ZSCAN5A: variants seen among roughly 807,000 people sequenced by gnomAD.
ZSCAN5A encodes the protein zinc finger and SCAN domain containing 5A, also known as zinc finger and SCAN domain-containing protein 5A.
Under a neutral mutation model 23.7 loss-of-function variants are expected in ZSCAN5A, and 12 were observed. That is an observed-to-expected ratio of 0.51 (90% CI 0.32 to 0.82). The LOEUF (loss-of-function observed/expected upper bound fraction) is 0.82. ZSCAN5A is among the 40% of genes least tolerant of loss of function. The probability of loss-of-function intolerance (pLI) is 0.03; values close to 1 mark genes in which losing one functional copy is unlikely to be tolerated. For synonymous variants in ZSCAN5A, 257 were observed against 239.9 expected, an observed-to-expected ratio of 1.07 and a Z score of -0.66; for missense variants, 597 against 617.9, an observed-to-expected ratio of 0.97 and a Z score of 0.36.
intron 2 of ZSCAN5A, among the ~76,000 whole-genome samples, chr19:56,353,736 C>G (rs147413830): frequency 1.1e-4 from 17 of 151,864 alleles, no homozygotes; most frequent in African/African-American, 4.1e-4. Flanking sequence ...GAACCGAGAT[C>G]GTGCCACTGC....
intron 2 of ZSCAN5A, chr19:56,228,443 A>C (rs2034176047): frequency 1.0e-6 from 1 of 985,282 alleles, no homozygotes; most frequent in African/African-American, 1.7e-5. Flanking sequence ...GTTCCCACTG[A>C]AACCCCACCC....
chr19:56,241,720 A>G (rs907838835), intron 2 of ZSCAN5A, among the ~76,000 whole-genome samples: 1 of 152,110 alleles, frequency 6.6e-6, no homozygotes, highest in Non-Finnish European at 1.5e-5. Context: ...CCTTAGACCT[A>G]TATCTCCCCA....
chr19:56,240,384 T>C (rs1158894381), intron 2 of ZSCAN5A, among the ~76,000 whole-genome samples: 3 of 152,152 alleles, frequency 2.0e-5, no homozygotes, highest in African/African-American at 7.2e-5. Flanking sequence ...TAAAATGGAT[T>C]ACGTGGCCCT....
chr19:56,285,771 G>A (rs951445939), intron 2 of ZSCAN5A, among the ~76,000 whole-genome samples: 8 of 151,790 alleles, frequency 5.3e-5, no homozygotes, highest in African/African-American at 1.5e-4. Flanking sequence ...GAGCCATCAC[G>A]CCCAGCCCAG....
Position 56,332,775 on chromosome 19 carries a change from A to AT in ZSCAN5A, c.-357-16508dup, listed in dbSNP as rs2041501177. The stretch of plus-strand genomic sequence containing the variant: ...ATCTGAGGACCATATACTTAAGTGT[A>AT]TTTTTATGGTAGCAGGTATTGTTCC... On this transcript the variant is annotated intron_variant, in intron 2 of 6. Coordinates refer to the ZSCAN5A transcript ENST00000587340. Among the ~76,000 whole-genome samples, 9 of 152,278 alleles carry AT rather than the reference A, an allele frequency of 5.9e-5. No individual in the cohort carries two copies. The South Asian group carries it at 1.9e-3, about 32-fold the overall frequency.
At chr19:56,264,558 G>A (rs1482012922) in intron 2 of ZSCAN5A, among the ~76,000 whole-genome samples, 1 of 152,196 alleles carries the variant, frequency 6.6e-6, no homozygotes, top group East Asian at 1.9e-4. Flanking sequence ...GAAGTGTTGG[G>A]AGACTGGACT....
At chr19:56,276,909 AAAT>A (rs1352545153) in intron 2 of ZSCAN5A, among the ~76,000 whole-genome samples, 2 of 151,972 alleles carry the variant, frequency 1.3e-5, no homozygotes, top group African/African-American at 4.8e-5. Flanking sequence ...TTATATTTAC[AAAT>A]ATTATAAATA....
rs59525392 is a variant in ZSCAN5A at position 56,231,996 on chromosome 19, C to CTTTTTTTTTTTTTTTTTTTTTTT, written c.-127-6824_-127-6823insAAAAAAAAAAAAAAAAAAAAAAA. ...TCTTTTTTCTTTCTTTTTTTCTTTT[C>CTTTTTTTTTTTTTTTTTTTTTTT]TTTTTTTTTGAGACAGTGTCTTGCT... On this transcript the variant is annotated intron_variant, in intron 2 of 5. Coordinates refer to ENST00000683990, the MANE Select transcript of ZSCAN5A (RefSeq NM_001322064.3). Among the ~76,000 whole-genome samples, 19 of 124,968 alleles carry CTTTTTTTTTTTTTTTTTTTTTTT rather than the reference C, an allele frequency of 1.5e-4. 1 individual carries two copies. The highest frequency in any genetic ancestry group is 2.5e-4 in the South Asian group (1 of 4,002). The allele number at this position is 124,968 out of a possible 152,430, so 82.0% of individuals were successfully genotyped here. A position where few individuals can be genotyped will look rare whatever the true frequency, so the allele number is the denominator to read the frequency against.
chr19:56,302,651 C>G (rs867207508), intron 2 of ZSCAN5A, among the ~76,000 whole-genome samples: 1 of 113,950 alleles, frequency 8.8e-6, no homozygotes, highest in Admixed American at 8.9e-5. Context: ...CTTTTCTTCC[C>G]CCCCTCCCTG....
intron 2 of ZSCAN5A, among the ~76,000 whole-genome samples, chr19:56,271,597 G>A (rs765551598): frequency 1.3e-5 from 2 of 152,182 alleles, no homozygotes; most frequent in Non-Finnish European, 2.9e-5. Flanking sequence ...CTGAAGGATC[G>A]CTGAGGTATC....
intron 2 of ZSCAN5A, among the ~76,000 whole-genome samples, chr19:56,231,335 G>T (rs1328131324): frequency 1.3e-5 from 2 of 152,148 alleles, no homozygotes; most frequent in Middle Eastern, 3.2e-3. Context: ...ACATTATGTT[G>T]TACACCAAAA....
intron 2 of ZSCAN5A, among the ~76,000 whole-genome samples, chr19:56,243,595 G>A (rs574895967): frequency 6.6e-6 from 1 of 151,966 alleles, no homozygotes; most frequent in East Asian, 1.9e-4. Flanking sequence ...ACATAAATAA[G>A]TTATTGTTGC....
chr19:56,368,182 C>T (rs1045544116), intron 1 of ZSCAN5A: 3 of 152,400 alleles, frequency 2.0e-5, no homozygotes, highest in African/African-American at 7.2e-5. Context: ...CGTCGAGGCC[C>T]TACGGGGCGT....
chr19:56,257,355 T>C (rs1568657217), intron 2 of ZSCAN5A, among the ~76,000 whole-genome samples: 2 of 152,248 alleles, frequency 1.3e-5, no homozygotes, highest in East Asian at 1.9e-4. Flanking sequence ...CAAGGGCTGA[T>C]CTCCACGTTC....
At chr19:56,241,054 G>A (rs1479399448) in intron 2 of ZSCAN5A, among the ~76,000 whole-genome samples, 1 of 152,074 alleles carries the variant, frequency 6.6e-6, no homozygotes, top group Non-Finnish European at 1.5e-5. Flanking sequence ...CTTTCCACAG[G>A]GTAAAATCAG....
At chr19:56,346,431 C>T (rs997171557) in intron 2 of ZSCAN5A, among the ~76,000 whole-genome samples, 2 of 151,666 alleles carry the variant, frequency 1.3e-5, no homozygotes, top group Non-Finnish European at 2.9e-5. Flanking sequence ...GGCAAAAAAC[C>T]TCATCTTTCC....
In ZSCAN5A at chr19:56,247,359, C is replaced by T. The variant is rs762174691; in HGVS notation, c.-127-22186G>A. 2.2e-5 allele frequency: 5 copies of T among 227,670 alleles called. No homozygotes were observed. The East Asian group carries it at 5.3e-4, about 24-fold the overall frequency. 14.1% of individuals were successfully genotyped at this position (227,670 alleles called of 1,614,324 possible). On this transcript the variant is annotated intron_variant, in intron 2 of 5. Transcript: ENST00000683990. ...TTTTCACCTACAGGAAGAACCTGAA[C>T]GAGCACAAGCTCATCCACTCCGGAG...
At chr19:56,315,300 C>T (rs753967779), upstream of ZSCAN5A, 2 of 152,284 alleles carry the variant, frequency 1.3e-5, no homozygotes, top group Non-Finnish European at 2.9e-5. Flanking sequence ...TTCCCTGGTT[C>T]TGCGTCCGTG....
chr19:56,245,361 G>C (rs777553189), intron 2 of ZSCAN5A: 10 of 751,768 alleles, frequency 1.3e-5, no homozygotes, highest in African/African-American at 3.4e-5. Context: ...ATGCGTCCGG[G>C]GGAAGGCCAG....
Sources: gnomAD v4.1 joint callset for allele counts (sites outside exome capture counted in the v4.1 genomes callset) on GRCh38, gnomAD v4.1.1 for gene constraint, MANE v1.5 for transcripts, NCBI Gene and HGNC (gene_info 2026-07-23, HGNC 2026-07-21) for gene names.